Variants in TNPO2 observed in about 807,000 individuals in gnomAD.
TNPO2 encodes the protein transportin 2.
TNPO2 carries 16 observed loss-of-function variants against 111.1 expected under a neutral mutation model. The ratio of observed to expected loss-of-function variants is 0.14; its 90% CI spans 0.10 to 0.22. The LOEUF is 0.22. TNPO2 is among the 10% of genes least tolerant of loss of function. The pLI is 1.00. For missense variants in TNPO2, 530 were observed against 1,173.7 expected, an observed-to-expected ratio of 0.45 and a Z score of 8.01; for synonymous variants, 481 against 475.8, an observed-to-expected ratio of 1.01 and a Z score of -0.14.
rs759719299 is a variant in TNPO2 at position 12,715,892 on chromosome 19, T to C, written c.326-153A>G. Among the ~76,000 whole-genome samples, 11 of 151,824 alleles carry C rather than the reference T, an allele frequency of 7.2e-5. No homozygotes were observed. The highest frequency in any genetic ancestry group is 3.2e-3 in the Middle Eastern group (1 of 316). On this transcript the variant is annotated intron_variant, in intron 5 of 25. Coordinates refer to ENST00000425528, the MANE Select transcript of TNPO2 (RefSeq NM_001382241.1). The surrounding 1 kb of genome is among the most constrained non-coding windows in gnomAD (Gnocchi z 7.1). ...TCCTTTTTTTTTTCTTTGTAAGAGATAGAATTAGCTCTGTTGCCCAGGCTG... is the reference window on the plus strand; with the variant it reads ...TCCTTTTTTTTTTCTTTGTAAGAGACAGAATTAGCTCTGTTGCCCAGGCTG...
rs1191353161 is a variant in TNPO2, at chr19:12,705,869, G to T, written c.1669-101C>A. 10 of 885,470 alleles carry T rather than the reference G, an allele frequency of 1.1e-5. No homozygotes were observed. The highest frequency in any genetic ancestry group is 1.7e-5 in the Non-Finnish European group (10 of 593,982). The allele number at this position is 885,470 out of a possible 1,614,324, so 54.9% of individuals were successfully genotyped here. A position where few individuals can be genotyped will look rare whatever the true frequency, so the allele number is the denominator to read the frequency against. On this transcript the variant is annotated intron_variant, in intron 15 of 25. Coordinates refer to ENST00000425528, the MANE Select transcript of TNPO2 (RefSeq NM_001382241.1). The surrounding 1 kb of genome is among the most constrained non-coding windows in gnomAD (Gnocchi z 7.2). ...GATGAGGCCTGAGCGCCTCACCGTGGCTCATGGGACCCTGAAAGGCCTGCC... is the reference window on the plus strand; with the variant it reads ...GATGAGGCCTGAGCGCCTCACCGTGTCTCATGGGACCCTGAAAGGCCTGCC...
In TNPO2 at chr19:12,702,588, G is replaced by A. The variant is rs1489496203; in HGVS notation, c.2305+235C>T. Reference sequence around the variant, plus strand: ...TCACCATGTTGGCCAGGCTGGTCTCGAACTCCTGACTTCAGGTGATCTGCC... The same window carrying A: ...TCACCATGTTGGCCAGGCTGGTCTCAAACTCCTGACTTCAGGTGATCTGCC... On this transcript the variant is annotated intron_variant, in intron 21 of 25. Coordinates refer to ENST00000425528, the MANE Select transcript of TNPO2 (RefSeq NM_001382241.1). The surrounding 1 kb of genome is among the most constrained non-coding windows in gnomAD (Gnocchi z 5.5). Among the ~76,000 whole-genome samples, 2 of 151,950 alleles carry A rather than the reference G, an allele frequency of 1.3e-5. No individual in the cohort carries two copies. Among genetic ancestry groups the A allele is most frequent in the Non-Finnish European group, 2.9e-5 (2 of 67,972 alleles).
chr19:12,715,257 C>T lies in TNPO2; in HGVS notation c.634G>A (p.Asp212Asn). 1 of 1,613,598 alleles carries T rather than the reference C, an allele frequency of 6.2e-7. No homozygotes were observed. Among genetic ancestry groups the T allele is most frequent in the Non-Finnish European group, 8.5e-7 (1 of 1,179,742 alleles). ...CAGCGGCCCACCTCGATGAAGGTGT[C>T]AATATTGTCCATCAGCGCCTGGGCC... ...DRAQALMDNIDTFIEHLFALA... is the reference protein window; with the variant it reads ...DRAQALMDNINTFIEHLFALA... Residue 212 changes from aspartate (D) to asparagine (N), a missense_variant, in exon 8 of 26, where the codon GAC becomes AAC. Around this residue, in one of 4 missense-constraint regions of TNPO2, gnomAD observed 156 missense variants for 405.8 expected, o/e 0.38. Transcript: ENST00000425528. This position sits in a 1 kb window ranked among gnomAD's most constrained non-coding sequence, Gnocchi z 7.1.
At chr19:12,722,874 G>A (rs1967098596) in intron 2 of TNPO2, among the ~76,000 whole-genome samples, 1 of 152,206 alleles carries the variant, frequency 6.6e-6, no homozygotes, top group Admixed American at 6.5e-5. Flanking sequence ...AGCGCGTGGG[G>A]ACTTTGTGTG....
chr19:12,706,034 T>C lies in TNPO2; in HGVS notation c.1668+162A>G. The C allele has an allele frequency of 3.8e-6, 3 of 793,116 alleles. No homozygotes were observed. The highest frequency in any genetic ancestry group is 5.8e-6 in the Non-Finnish European group (3 of 513,608). The allele number at this position is 793,116 out of a possible 1,614,324, so 49.1% of individuals were successfully genotyped here. On this transcript the variant is annotated intron_variant, in intron 15 of 25. Coordinates refer to ENST00000425528, the MANE Select transcript of TNPO2 (RefSeq NM_001382241.1). The surrounding 1 kb of genome is among the most constrained non-coding windows in gnomAD (Gnocchi z 7.0). ...CCACGCTGTCTCATAACTGTCTTTC[T>C]CCCCCACTAGACTGGGAGCAGGGCG... is the stretch of plus-strand genomic sequence containing the variant.
intron 10 of TNPO2, 29 bp downstream of exon 10, chr19:12,714,792 G>A (rs1407084497): frequency 2.5e-6 from 4 of 1,588,708 alleles, no homozygotes; most frequent in Non-Finnish European, 3.5e-6. Context: ...CGAAGCTGGG[G>A]TAGGACAGTG....
rs1389781202 is a variant in TNPO2, at chr19:12,699,927, A to C, written c.*1337T>G. 1 of 152,490 alleles carries C rather than the reference A, an allele frequency of 6.6e-6. No homozygotes were observed. The highest frequency in any genetic ancestry group is 2.1e-4 in the South Asian group (1 of 4,826). 9.4% of individuals were successfully genotyped at this position (152,490 alleles called of 1,614,324 possible). A position where few individuals can be genotyped will look rare whatever the true frequency, so the allele number is the denominator to read the frequency against. On this transcript the variant is annotated 3_prime_UTR_variant, in exon 26 of 26. Transcript: ENST00000425528. ...AAAGAAGTAGAAAGCAGGGAAGGAA[A>C]AAAAGGGAAAAAATGCTAAGGGGGT...
At position 12,705,522 on chromosome 19, in the gene TNPO2, G is replaced by A; in HGVS notation, c.1833C>T (p.Thr611=). The change falls in exon 17 of 26, where the codon ACC becomes ACT. Residue 611 remains threonine, a synonymous_variant. Coordinates refer to ENST00000425528, the MANE Select transcript of TNPO2 (RefSeq NM_001382241.1). The surrounding 1 kb of genome is among the most constrained non-coding windows in gnomAD (Gnocchi z 7.2). ...YCEPVYQRCV[T]LVQKTLAQAM... is the part of the protein sequence containing the mutation. ...CCTGAGCCAGTGTCTTCTGCACCAGGGTGACACAGCGCTGGTAGACGGGCT... is the reference window on the plus strand; with the variant it reads ...CCTGAGCCAGTGTCTTCTGCACCAGAGTGACACAGCGCTGGTAGACGGGCT... The A allele has an allele frequency of 6.2e-7, 1 of 1,603,298 alleles. No homozygotes were observed. The highest frequency in any genetic ancestry group is 8.5e-7 in the Non-Finnish European group (1 of 1,175,558).
rs181588275 is a variant in TNPO2 at position 12,717,552 on chromosome 19, G to A, written c.325+1477C>T. On this transcript the variant is annotated intron_variant, in intron 5 of 25. Coordinates refer to ENST00000425528, the MANE Select transcript of TNPO2 (RefSeq NM_001382241.1). Reference sequence around the variant, plus strand: ...CTCCCAAGGTGCTGGGATTAGAGGCGTGAGCCACTGTGCTCAGCCTGGATC... The same window carrying A: ...CTCCCAAGGTGCTGGGATTAGAGGCATGAGCCACTGTGCTCAGCCTGGATC... Among the ~76,000 whole-genome samples the A allele has an allele frequency of 2.0e-3, 304 of 152,222 alleles. 1 individual carries two copies. Among genetic ancestry groups the A allele is most frequent in the Non-Finnish European group, 2.7e-3 (184 of 68,016 alleles).
chr19:12,702,760 G>T lies in TNPO2; in HGVS notation c.2305+63C>A. On this transcript the variant is annotated intron_variant, in intron 21 of 25. Transcript: ENST00000425528. This position sits in a 1 kb window ranked among gnomAD's most constrained non-coding sequence, Gnocchi z 5.5. ...AAGGCTCTTTCTGATGCCCTTCCCA[G>T]CCCAGAACCCCACCTCCAGAAGGCA... 2 of 1,494,506 alleles carry T rather than the reference G, an allele frequency of 1.3e-6. No individual in the cohort carries two copies. The highest frequency in any genetic ancestry group is 9.3e-7 in the Non-Finnish European group (1 of 1,074,316). The allele number at this position is 1,494,506 out of a possible 1,614,324, so 92.6% of individuals were successfully genotyped here.
chr19:12,709,737 C>A (rs2025931891), intron 13 of TNPO2, among the ~76,000 whole-genome samples: 2 of 151,446 alleles, frequency 1.3e-5, no homozygotes, highest in Admixed American at 6.6e-5. Flanking sequence ...CCTGCCTCAG[C>A]CTCCCAAAGT....
At chr19:12,717,659 G>A (rs1175896101) in intron 5 of TNPO2, among the ~76,000 whole-genome samples, 1 of 152,074 alleles carries the variant, frequency 6.6e-6, no homozygotes, top group Non-Finnish European at 1.5e-5. Flanking sequence ...GCCTGGGAGG[G>A]GGTTTTTGCA....
intron 13 of TNPO2, among the ~76,000 whole-genome samples, chr19:12,707,479 C>CTTTT (rs56817777): frequency 6.7e-5 from 5 of 75,020 alleles, no homozygotes; most frequent in Admixed American, 1.7e-4. Context: ...TGTGAGTTTT[C>CTTTT]TTTTTTTTTT....
intron 13 of TNPO2, among the ~76,000 whole-genome samples, chr19:12,708,438 T>G (rs1414674509): frequency 3.9e-5 from 6 of 151,968 alleles, no homozygotes; most frequent in African/African-American, 1.2e-4. Flanking sequence ...AGGGTTTTTT[T>G]TTTTTTTTAA....
At position 12,705,444 on chromosome 19, in the gene TNPO2, G is replaced by A. The variant is rs770806936; in HGVS notation, c.1864-46C>T. ...GGGCACGGGTAAGTGGAGCAGGCCC[G>A]AGGCAGGCCAATGCAGAAGCACAGG... On this transcript the variant is annotated intron_variant, in intron 17 of 25. Transcript: ENST00000425528. This position sits in a 1 kb window ranked among gnomAD's most constrained non-coding sequence, Gnocchi z 7.2. The A allele has an allele frequency of 4.4e-6, 7 of 1,574,852 alleles. No individual in the cohort carries two copies. The highest frequency in any genetic ancestry group is 1.4e-5 in the African/African-American group (1 of 74,054).
chr19:12,718,997 C>A (rs1282117087), intron 5 of TNPO2, 32 bp downstream of exon 5: 1 of 1,610,712 alleles, frequency 6.2e-7, no homozygotes, highest in Admixed American at 1.7e-5. Flanking sequence ...TTCAGTGTGT[C>A]CTCAGAGGCC....
chr19:12,706,377 G>A lies in TNPO2; in HGVS notation c.1497-10C>T, dbSNP rs957025053. The A allele has an allele frequency of 3.7e-6, 6 of 1,614,044 alleles. No individual in the cohort carries two copies. Among genetic ancestry groups the A allele is most frequent in the African/African-American group, 1.3e-5 (1 of 75,046 alleles). On this transcript the variant is annotated splice_polypyrimidine_tract_variant and intron_variant, in intron 14 of 25. Transcript: ENST00000425528. The surrounding 1 kb of genome is among the most constrained non-coding windows in gnomAD (Gnocchi z 7.0). ...CAGGGTGGCAAAAGCACTGGTGGGA[G>A]GGAGGATGAAGCGGGGGCTCAGTGG...
In TNPO2 at chr19:12,706,811, A is replaced by G. The variant is rs1410658997; in HGVS notation, c.1271-16T>C. 1 of 1,586,038 alleles carries G rather than the reference A, an allele frequency of 6.3e-7. No homozygotes were observed. On this transcript the variant is annotated splice_polypyrimidine_tract_variant and intron_variant, in intron 13 of 25. Coordinates refer to ENST00000425528, the MANE Select transcript of TNPO2 (RefSeq NM_001382241.1). The surrounding 1 kb of genome is among the most constrained non-coding windows in gnomAD (Gnocchi z 7.0). ...TGCATGCAGCCTACAAGGAAAGGGAACCAAGAGGGGGCAGTTTGATTGGGC... is the reference window on the plus strand; with the variant it reads ...TGCATGCAGCCTACAAGGAAAGGGAGCCAAGAGGGGGCAGTTTGATTGGGC...
rs1445195651 is a variant in TNPO2 at position 12,699,340 on chromosome 19, G to C, written c.*1924C>G. On this transcript the variant is annotated 3_prime_UTR_variant, in exon 26 of 26. Transcript: ENST00000425528. ...AGGGGGAAGAGGGTGAGGAGGGAAA[G>C]AGGGACTGTGGCTCAAGGCCAGTCT... is the stretch of plus-strand genomic sequence containing the variant. 5.0e-6 allele frequency: 2 copies of C among 397,320 alleles called. No homozygotes were observed. The highest frequency in any genetic ancestry group is 3.6e-5 in the South Asian group (2 of 55,238). 24.6% of individuals were successfully genotyped at this position (397,320 alleles called of 1,614,324 possible).
Sources: allele counts gnomAD v4.1 joint callset (sites outside exome capture counted in the v4.1 genomes callset), GRCh38; gene constraint gnomAD v4.1.1; regional missense constraint gnomAD v4.1.1; non-coding constraint Gnocchi (gnomAD v3.1); transcripts MANE v1.5; gene names NCBI Gene and HGNC (gene_info 2026-07-23, HGNC 2026-07-21).